RALGAPA2: variants seen among roughly 807,000 people sequenced by gnomAD.
RALGAPA2 encodes the protein ral GTPase-activating protein subunit alpha-2.
A neutral mutation model predicts 230.4 loss-of-function variants in RALGAPA2; 139 were observed. That is an observed-to-expected ratio of 0.60 (90% CI 0.53 to 0.69). The LOEUF (loss-of-function observed/expected upper bound fraction) is 0.69. Ranked by LOEUF, RALGAPA2 falls within the 30% of genes least tolerant of loss-of-function variation. The probability of loss-of-function intolerance (pLI) is 0.00; values close to 1 mark genes in which losing one functional copy is unlikely to be tolerated. For missense variants in RALGAPA2, 2,163 were observed against 2,276.0 expected (o/e 0.95, Z 1.01); for synonymous variants, 847 against 837.8 (o/e 1.01, Z -0.19).
intron 12 of RALGAPA2, among the ~76,000 whole-genome samples, chr20:20,618,636 G>C (rs369176359): frequency 6.6e-6 from 1 of 152,122 alleles, no homozygotes; most frequent in African/African-American, 2.4e-5. Context: ...GAAGGGTGGC[G>C]GGCGAGGGGG....
chr20:20,422,379 G>GCCAC (rs1302208092), intron 37 of RALGAPA2, among the ~76,000 whole-genome samples: 97 of 152,262 alleles, frequency 6.4e-4, no homozygotes, highest in African/African-American at 2.1e-3. Context: ...TGGGAAAATC[G>GCCAC]CTTGGGGCCA....
At chr20:20,670,412 T>C (rs1392914317) in intron 3 of RALGAPA2, among the ~76,000 whole-genome samples, 1 of 152,130 alleles carries the variant, frequency 6.6e-6, no homozygotes, top group Non-Finnish European at 1.5e-5. Flanking sequence ...CACCTAACCC[T>C]ACAAAGCCTC....
rs774870435 is a variant in RALGAPA2, at chr20:20,392,947, G to A, written c.*342C>T. 1.9e-4 allele frequency: 124 copies of A among 655,404 alleles called. No homozygotes were observed. Among genetic ancestry groups the A allele is most frequent in the Non-Finnish European group, 2.6e-4 (114 of 444,880 alleles). 40.6% of individuals were successfully genotyped at this position (655,404 alleles called of 1,614,324 possible). A position where few individuals can be genotyped will look rare whatever the true frequency, so the allele number is the denominator to read the frequency against. On this transcript the variant is annotated 3_prime_UTR_variant, in exon 40 of 40. Coordinates refer to ENST00000202677, the MANE Select transcript of RALGAPA2 (RefSeq NM_020343.4). ...CCAGAGCAGCCACACCAGTGCCCAC[G>A]TGTCAGTGGGTTCATCTCTGGTTTT...
At chr20:20,676,155 G>C (rs2068315253) in intron 3 of RALGAPA2, 81 bp downstream of exon 3, 1 of 1,004,350 alleles carries the variant, frequency 1.0e-6, no homozygotes, top group Non-Finnish European at 1.4e-6. Flanking sequence ...ATTTTTATTT[G>C]TCTTCAAATA....
chr20:20,631,006 T>C (rs1358453614), intron 9 of RALGAPA2, among the ~76,000 whole-genome samples: 2 of 152,166 alleles, frequency 1.3e-5, no homozygotes, highest in East Asian at 3.9e-4. Flanking sequence ...GTGAGGCCCA[T>C]GTCCCCTCCC....
chr20:20,623,050 A>T (rs1265332660), intron 10 of RALGAPA2, among the ~76,000 whole-genome samples: 1 of 152,198 alleles, frequency 6.6e-6, no homozygotes, highest in East Asian at 1.9e-4. Flanking sequence ...GAGAAGAAAA[A>T]TGGGATATTA....
intron 37 of RALGAPA2, among the ~76,000 whole-genome samples, chr20:20,447,389 A>G (rs1336489448): frequency 3.9e-5 from 6 of 152,168 alleles, no homozygotes; most frequent in Non-Finnish European, 7.4e-5. Flanking sequence ...ACACAACACT[A>G]AAGGAAAAAG....
intron 10 of RALGAPA2, among the ~76,000 whole-genome samples, chr20:20,628,281 T>C (rs977085150): frequency 6.6e-6 from 1 of 152,206 alleles, no homozygotes; most frequent in Non-Finnish European, 1.5e-5. Flanking sequence ...TTCTCTGTGG[T>C]GCATTCCCGT....
chr20:20,675,552 A>G (rs1464891213), intron 3 of RALGAPA2, among the ~76,000 whole-genome samples: 4 of 152,174 alleles, frequency 2.6e-5, no homozygotes, highest in African/African-American at 7.2e-5. Context: ...AACTTTCGGA[A>G]CCTATAATTC....
chr20:20,639,646 T>C lies in RALGAPA2; in HGVS notation c.666+139A>G, dbSNP rs987651737. On this transcript the variant is annotated intron_variant, in intron 7 of 39. Coordinates refer to ENST00000202677, the MANE Select transcript of RALGAPA2 (RefSeq NM_020343.4). ...CCTAAAAAATGGTACACACTCTGCA[T>C]TTGCTGAAATATCACATAAAATCAC... 7 of 633,816 alleles carry C rather than the reference T, an allele frequency of 1.1e-5. 1 individual carries two copies. The highest frequency in any genetic ancestry group is 2.8e-5 in the East Asian group (1 of 35,372). The allele number at this position is 633,816 out of a possible 1,614,324, so 39.3% of individuals were successfully genotyped here.
intron 36 of RALGAPA2, among the ~76,000 whole-genome samples, chr20:20,481,310 A>G (rs2061768963): frequency 1.3e-5 from 2 of 152,242 alleles, no homozygotes; most frequent in African/African-American, 4.8e-5. Context: ...CAAGGATGCA[A>G]TGCAGACATC....
At position 20,712,592 on chromosome 20, in the gene RALGAPA2, A is replaced by G. The variant is rs2069934834; in HGVS notation, c.-112T>C. Reference sequence around the variant, plus strand: ...GTCGCGCGGGCCACTCGCCGCCCCCAGCCCCGCTGCTGCCGCCGCCGCCGC... The same window carrying G: ...GTCGCGCGGGCCACTCGCCGCCCCCGGCCCCGCTGCTGCCGCCGCCGCCGC... On this transcript the variant is annotated 5_prime_UTR_variant, in exon 1 of 40. Transcript: ENST00000202677. This position sits in a 1 kb window ranked among gnomAD's most constrained non-coding sequence, Gnocchi z 5.5. 5.8e-6 allele frequency: 7 copies of G among 1,206,692 alleles called. No homozygotes were observed. Among genetic ancestry groups the G allele is most frequent in the Non-Finnish European group, 6.2e-6 (6 of 962,820 alleles). The allele number at this position is 1,206,692 out of a possible 1,614,324, so 74.7% of individuals were successfully genotyped here.
At chr20:20,554,203 T>A (rs2064012045) in intron 23 of RALGAPA2, among the ~76,000 whole-genome samples, 1 of 152,210 alleles carries the variant, frequency 6.6e-6, no homozygotes, top group African/African-American at 2.4e-5. Context: ...ACTTTCTGTC[T>A]CCATGAATCT....
intron 37 of RALGAPA2, among the ~76,000 whole-genome samples, chr20:20,423,852 T>A (rs1324901241): frequency 1.3e-5 from 2 of 152,214 alleles, no homozygotes; most frequent in African/African-American, 4.8e-5. Flanking sequence ...AGGTATAAGA[T>A]ATTAGATTAA....
chr20:20,455,557 A>AAG (rs2061095893), intron 37 of RALGAPA2, among the ~76,000 whole-genome samples: 1 of 152,214 alleles, frequency 6.6e-6, no homozygotes, highest in Non-Finnish European at 1.5e-5. Context: ...CTTCCAAGGC[A>AAG]GAACGGACAA....
chr20:20,487,565 C>G (rs1004312522), intron 36 of RALGAPA2, among the ~76,000 whole-genome samples: 1 of 152,074 alleles, frequency 6.6e-6, no homozygotes, highest in African/African-American at 2.4e-5. Flanking sequence ...GACTAGAAGG[C>G]GTTGGTATTA....
rs2069941369 is a variant in RALGAPA2 at position 20,712,622 on chromosome 20, G to GCCGCCGCCT, written c.-151_-143dup. ...CGCTGCTGCCGCCGCCGCCGCCGCC[G>GCCGCCGCCT]CCGCCGCCTCAGCTGTGTCTCCAGG... On this transcript the variant is annotated 5_prime_UTR_variant, in exon 1 of 40. Coordinates refer to ENST00000202677, the MANE Select transcript of RALGAPA2 (RefSeq NM_020343.4). This position sits in a 1 kb window ranked among gnomAD's most constrained non-coding sequence, Gnocchi z 5.5. 3 of 1,190,714 alleles carry GCCGCCGCCT rather than the reference G, an allele frequency of 2.5e-6. No individual in the cohort carries two copies. Among genetic ancestry groups the GCCGCCGCCT allele is most frequent in the Non-Finnish European group, 3.1e-6 (3 of 957,354 alleles). 73.8% of individuals were successfully genotyped at this position (1,190,714 alleles called of 1,614,324 possible).
intron 1 of RALGAPA2, among the ~76,000 whole-genome samples, chr20:20,689,896 G>C (rs747735078): frequency 6.6e-6 from 1 of 152,062 alleles, no homozygotes; most frequent in African/African-American, 2.4e-5. Context: ...CCCACAAACC[G>C]AAATACCAGC....
At chr20:20,513,887 G>T (rs2062794453) in intron 31 of RALGAPA2, among the ~76,000 whole-genome samples, 1 of 152,200 alleles carries the variant, frequency 6.6e-6, no homozygotes, top group South Asian at 2.1e-4. Flanking sequence ...GGGGTGGGAG[G>T]AGAGAGCTGC....
Sources: allele counts gnomAD v4.1 joint callset (sites outside exome capture counted in the v4.1 genomes callset), GRCh38; gene constraint gnomAD v4.1.1; non-coding constraint Gnocchi (gnomAD v3.1); transcripts MANE v1.5; gene names NCBI Gene and HGNC (gene_info 2026-07-23, HGNC 2026-07-21).